The following SPG7 variants were observed in gnomAD, a reference collection of about 807,000 sequenced individuals.
SPG7 encodes the protein SPG7 matrix AAA peptidase subunit, paraplegin, also known as mitochondrial inner membrane m-AAA protease component paraplegin.
SPG7 carries 103 observed loss-of-function variants against 81.9 expected under a neutral mutation model. The ratio of observed to expected loss-of-function variants is 1.26; its 90% confidence interval spans 1.07 to 1.48. The LOEUF (loss-of-function observed/expected upper bound fraction) is 1.48, where lower values mean the gene tolerates loss of function less well. SPG7 is among the 40% of genes most tolerant of loss of function. The probability of loss-of-function intolerance (pLI) is 0.00; values close to 1 mark genes in which losing one functional copy is unlikely to be tolerated. For missense variants in SPG7, 1,241 were observed against 1,087.3 expected (o/e 1.14, Z -1.99); for synonymous variants, 534 against 444.2 (o/e 1.20, Z -2.54).
intron 11 of SPG7, chr16:89,547,286 G>A (rs980524438): frequency 2.1e-5 from 4 of 189,724 alleles, no homozygotes; most frequent in African/African-American, 9.4e-5. Context: ...GTGGTTACTA[G>A]AGAGCCTTTA....
intron 4 of SPG7, among the ~76,000 whole-genome samples, chr16:89,525,235 C>G (rs558870446): frequency 3.9e-5 from 6 of 152,236 alleles, no homozygotes; most frequent in African/African-American, 1.4e-4. Context: ...TCCAAAGTGC[C>G]AGATCACAGG....
rs903594842 is a variant in SPG7 at position 89,556,006 on chromosome 16, A to G, written c.2182-881A>G. ...CTGAAGCAGGCCTGCCTGTGGACCCATGCTCATCACGGTTGACAAAGCAGC... is the reference window on the plus strand; with the variant it reads ...CTGAAGCAGGCCTGCCTGTGGACCCGTGCTCATCACGGTTGACAAAGCAGC... On this transcript the variant is annotated intron_variant, in intron 16 of 16. Transcript: ENST00000645818. 7.5e-6 allele frequency: 3 copies of G among 398,714 alleles called. No individual in the cohort carries two copies. The highest frequency in any genetic ancestry group is 1.3e-5 in the Non-Finnish European group (3 of 226,132). 24.7% of individuals were successfully genotyped at this position (398,714 alleles called of 1,614,324 possible). A position where few individuals can be genotyped will look rare whatever the true frequency, so the allele number is the denominator to read the frequency against.
At chr16:89,544,799 C>T (rs745526701) in intron 10 of SPG7, 27 bp downstream of exon 10, 89 of 1,613,384 alleles carry the variant, frequency 5.5e-5, no homozygotes, top group Non-Finnish European at 7.0e-5. Context: ...CAGCCTCTCC[C>T]ACTCCACCTG....
chr16:89,523,242 C>G (rs1302282144), intron 3 of SPG7: 3 of 213,092 alleles, frequency 1.4e-5, no homozygotes, highest in Non-Finnish European at 2.9e-5. Context: ...CCTTTAGACT[C>G]AACAGTGTAT....
rs141752834 is a variant in SPG7 at position 89,550,033 on chromosome 16, C to T, written c.1664-461C>T. On this transcript the variant is annotated intron_variant, in intron 12 of 16. Transcript: ENST00000645818. ...AACAGCCCTTTGACCTGAAGAGTGT[C>T]GTTTTGAGTTGGGGTGTCCAGAGCC... The T allele has an allele frequency of 7.9e-3, 2,006 of 253,534 alleles. 50 individuals are homozygous for T. Among genetic ancestry groups the T allele is most frequent in the African/African-American group, 0.041 (1,865 of 44,996 alleles). The allele number at this position is 253,534 out of a possible 1,614,324, so 15.7% of individuals were successfully genotyped here.
intron 12 of SPG7, chr16:89,549,317 C>T (rs1271447889): frequency 2.3e-6 from 1 of 434,506 alleles, no homozygotes; most frequent in African/African-American, 2.0e-5. Context: ...AAATCTGAGA[C>T]AGGAAATGAA....
In SPG7 at chr16:89,544,750, T is replaced by G. The variant is rs1266575375; in HGVS notation, c.1427T>G (p.Phe476Cys). ...MRPGRLDRHV[F>C]IDLPTLQERR... ...CCAGGCCGACTGGACCGGCACGTCT[T>G]CATTGATCTCCCCACGCTGCAGGTC... The change falls in exon 10 of 17, where the codon TTC becomes TGC. Residue 476 changes from phenylalanine to cysteine, a missense_variant. Phe to Cys is a radical substitution (Grantham distance 205). Transcript: ENST00000645818. 1 of 1,613,948 alleles carries G rather than the reference T, an allele frequency of 6.2e-7. No individual in the cohort carries two copies. The highest frequency in any genetic ancestry group is 8.5e-7 in the Non-Finnish European group (1 of 1,179,998).
chr16:89,510,352 T>C (rs1026130784), intron 1 of SPG7, 138 bp from the exon 2 acceptor site: 1 of 664,042 alleles, frequency 1.5e-6, no homozygotes, highest in Admixed American at 2.4e-5. Flanking sequence ...GCTCAGACTA[T>C]TACTTTATAT....
chr16:89,542,076 C>G (rs1359409710), intron 9 of SPG7: 3 of 152,292 alleles, frequency 2.0e-5, no homozygotes, highest in African/African-American at 7.2e-5. Flanking sequence ...GGTGGCTGGG[C>G]TCTGCTGAAG....
chr16:89,554,510 G>A lies in SPG7; in HGVS notation c.2128G>A (p.Ala710Thr), dbSNP rs2152412371. Residue 710 changes from alanine to threonine, a missense_variant, in exon 16 of 17, where the codon GCC becomes ACC. Ala to Thr is a moderately conservative substitution (Grantham distance 58). Coordinates refer to ENST00000645818, the MANE Select transcript of SPG7 (RefSeq NM_003119.4). Reference sequence around the variant, plus strand: ...GGAAGCAAGACTGCTGGTGGCCAAGGCCTACAGACACACCGAGAAGGTGCT... The same window carrying A: ...GGAAGCAAGACTGCTGGTGGCCAAGACCTACAGACACACCGAGAAGGTGCT... Reference protein sequence around the residue: ...DHEARLLVAKAYRHTEKVLQD... With the variant: ...DHEARLLVAKTYRHTEKVLQD... 1 of 1,609,502 alleles carries A rather than the reference G, an allele frequency of 6.2e-7. No homozygotes were observed. The highest frequency in any genetic ancestry group is 8.5e-7 in the Non-Finnish European group (1 of 1,179,880).
intron 9 of SPG7, chr16:89,544,166 C>G (rs181979718): frequency 7.4e-4 from 189 of 256,816 alleles, no homozygotes; most frequent in Non-Finnish European, 4.3e-4. Context: ...GTGATCGTTT[C>G]TGGACTCACT....
At chr16:89,546,821 C>T (rs1393025440) in intron 11 of SPG7, 61 bp downstream of exon 11, 7 of 1,132,688 alleles carry the variant, frequency 6.2e-6, no homozygotes, top group African/African-American at 3.0e-5. Flanking sequence ...GTGTCACCTG[C>T]GCAAACAGCA....
At position 89,510,507 on chromosome 16, in the gene SPG7, G is replaced by T. The variant is rs1483052106; in HGVS notation, c.201G>T (p.Leu67=). ...GRALQSLQLR[L]LTPTFEGING... ...TTTTTCAGAGCTTACAATTGAGACT[G>T]CTAACCCCTACCTTTGAAGGGATCA... The change falls in exon 2 of 17, where the codon CTG becomes CTT. Residue 67 remains leucine (L), a synonymous_variant. Transcript: ENST00000645818. 2 of 1,574,314 alleles carry T rather than the reference G, an allele frequency of 1.3e-6. No homozygotes were observed. The highest frequency in any genetic ancestry group is 8.7e-7 in the Non-Finnish European group (1 of 1,149,362).
At chr16:89,536,837 G>A (rs775119283) in intron 9 of SPG7, 9 of 1,614,072 alleles carry the variant, frequency 5.6e-6, no homozygotes, top group Non-Finnish European at 7.6e-6. Context: ...GCCTGCTCCT[G>A]TCTCACGGAG....
intron 9 of SPG7, 79 bp from the exon 10 acceptor site, chr16:89,544,569 C>A: frequency 6.4e-7 from 1 of 1,558,568 alleles, no homozygotes; most frequent in Non-Finnish European, 8.8e-7. Flanking sequence ...CCTCCTGTGT[C>A]CTGAAGGGGA....
At chr16:89,541,323 G>A (rs573302137) in intron 9 of SPG7, 1 of 985,136 alleles carries the variant, frequency 1.0e-6, no homozygotes, top group East Asian at 1.1e-4. Flanking sequence ...CTTTCTTCCT[G>A]CAGCAACAAG....
chr16:89,513,937 C>T (rs986798213), intron 3 of SPG7, among the ~76,000 whole-genome samples: 2 of 152,210 alleles, frequency 1.3e-5, no homozygotes, highest in East Asian at 1.9e-4. Flanking sequence ...ATTGTGAATT[C>T]GAGTTTAGCA....
chr16:89,531,928 G>A lies in SPG7; in HGVS notation c.1012G>A (p.Gly338Ser), dbSNP rs1304316127. 6.2e-7 allele frequency: 1 copy of A among 1,614,132 alleles called. No homozygotes were observed. The highest frequency in any genetic ancestry group is 1.3e-5 in the African/African-American group (1 of 75,060). ...LKSPERFLQL[G>S]AKVPKGALLL... ...GAGCCCAGAACGCTTCCTCCAGCTT[G>A]GCGCCAAGGTCCCAAAGGGCGCACT... Residue 338 changes from glycine (G) to serine (S), a missense_variant, in exon 8 of 17, where the codon GGC (glycine) becomes AGC (serine). Coordinates refer to ENST00000645818, the MANE Select transcript of SPG7 (RefSeq NM_003119.4).
At chr16:89,516,819 C>A (rs1441840089) in intron 3 of SPG7, 2 of 150,904 alleles carry the variant, frequency 1.3e-5, no homozygotes, top group Non-Finnish European at 2.9e-5. Context: ...GAGCCGAGAT[C>A]GCGCCACTGC....
Sources: allele counts gnomAD v4.1 joint callset (sites outside exome capture counted in the v4.1 genomes callset), GRCh38; gene constraint gnomAD v4.1.1; transcripts MANE v1.5; gene names NCBI Gene and HGNC (gene_info 2026-07-23, HGNC 2026-07-21).